The following ZNF385B variants were observed in gnomAD, a reference collection of about 807,000 sequenced individuals.
The protein encoded by ZNF385B is zinc finger protein 533.
ZNF385B carries 23 observed loss-of-function variants against 39.2 expected under a neutral mutation model. The observed-to-expected ratio is 0.59, with a 90% CI of 0.42 to 0.83. ZNF385B has a LOEUF of 0.83. ZNF385B is among the 40% of genes least tolerant of loss of function. The pLI, the probability that ZNF385B is intolerant of heterozygous loss-of-function variation, is 0.00. For missense variants in ZNF385B, 552 were observed against 598.9 expected, an observed-to-expected ratio of 0.92 and a Z score of 0.82; for synonymous variants, 205 against 222.6, an observed-to-expected ratio of 0.92 and a Z score of 0.70.
chr2:179,739,486 A>G (rs1456794732), intron 3 of ZNF385B, among the ~76,000 whole-genome samples: 2 of 152,224 alleles, frequency 1.3e-5, no homozygotes, highest in East Asian at 1.9e-4. Context: ...AACTAAGCAT[A>G]GTGGGGTATC....
At chr2:179,770,123 C>T (rs1286849153) in intron 2 of ZNF385B, among the ~76,000 whole-genome samples, 1 of 152,116 alleles carries the variant, frequency 6.6e-6, no homozygotes, top group East Asian at 1.9e-4. Context: ...TGGCAAATTA[C>T]CTTCCTCATG....
intron 3 of ZNF385B, among the ~76,000 whole-genome samples, chr2:179,739,370 A>G (rs1411542348): frequency 6.6e-6 from 1 of 152,180 alleles, no homozygotes; most frequent in Admixed American, 6.5e-5. Context: ...ATTATAGAAC[A>G]GGCTCCTCTA....
chr2:179,570,767 T>C (rs929907887), intron 3 of ZNF385B, among the ~76,000 whole-genome samples: 8 of 152,130 alleles, frequency 5.3e-5, no homozygotes, highest in Admixed American at 4.6e-4. Flanking sequence ...GACCACCCCC[T>C]CTCCAGGAAT....
At chr2:179,574,147 T>C (rs1685543958) in intron 3 of ZNF385B, among the ~76,000 whole-genome samples, 1 of 152,068 alleles carries the variant, frequency 6.6e-6, no homozygotes, top group South Asian at 2.1e-4. Flanking sequence ...GAAGTATGAC[T>C]CAGGCCTGAA....
At chr2:179,731,267 T>C (rs1471134232) in intron 3 of ZNF385B, among the ~76,000 whole-genome samples, 9 of 152,224 alleles carry the variant, frequency 5.9e-5, no homozygotes, top group Admixed American at 5.2e-4. Context: ...TTGATCATCA[T>C]ACCTACTGGA....
intron 3 of ZNF385B, among the ~76,000 whole-genome samples, chr2:179,605,029 T>C (rs1688689089): frequency 6.6e-6 from 1 of 152,234 alleles, no homozygotes; most frequent in South Asian, 2.1e-4. Flanking sequence ...TGAAAGTATA[T>C]CCTATATCTT....
chr2:179,575,581 TCAAAGGC>T (rs1178635043), intron 3 of ZNF385B, among the ~76,000 whole-genome samples: 5 of 152,126 alleles, frequency 3.3e-5, no homozygotes, highest in Non-Finnish European at 1.5e-5. Context: ...GGAGAAGCTT[TCAAAGGC>T]CACTTGTCTG....
At chr2:179,618,481 TA>T (rs1689942798) in intron 3 of ZNF385B, among the ~76,000 whole-genome samples, 1 of 152,226 alleles carries the variant, frequency 6.6e-6, no homozygotes, top group Admixed American at 6.5e-5. Flanking sequence ...CTGCTACAAA[TA>T]ATTCACTTGT....
intron 6 of ZNF385B, among the ~76,000 whole-genome samples, chr2:179,481,453 A>G (rs750803463): frequency 3.3e-5 from 5 of 150,322 alleles, no homozygotes; most frequent in Non-Finnish European, 7.4e-5. Context: ...CTGCTTTTTT[A>G]AAAAATGGAT....
At chr2:179,600,592 C>G (rs981578872) in intron 3 of ZNF385B, among the ~76,000 whole-genome samples, 14 of 152,274 alleles carry the variant, frequency 9.2e-5, no homozygotes, top group Non-Finnish European at 2.9e-5. Context: ...TAATTTATCT[C>G]TCAAATCTCT....
chr2:179,493,771 A>ATGTG (rs879774043), intron 5 of ZNF385B, among the ~76,000 whole-genome samples: 14,296 of 83,630 alleles, frequency 0.17, 2,694 homozygotes, highest in Admixed American at 0.3. Flanking sequence ...ATGTATACAT[A>ATGTG]TATGTATATA....
chr2:179,526,036 ATTT>A (rs3054031), intron 4 of ZNF385B, among the ~76,000 whole-genome samples: 23 of 129,162 alleles, frequency 1.8e-4, no homozygotes, highest in East Asian at 1.3e-3. Context: ...TTAACCACAG[ATTT>A]TTTTTTTTTT....
At chr2:179,527,989 A>C (rs1024294303) in intron 4 of ZNF385B, among the ~76,000 whole-genome samples, 1 of 152,026 alleles carries the variant, frequency 6.6e-6, no homozygotes, top group Non-Finnish European at 1.5e-5. Context: ...TTACCAGGAA[A>C]ATTTTTAAAA....
chr2:179,847,647 C>A (rs574248168), intron 1 of ZNF385B, among the ~76,000 whole-genome samples: 1 of 152,260 alleles, frequency 6.6e-6, no homozygotes, highest in South Asian at 2.1e-4. Flanking sequence ...CAGATAGTGG[C>A]AATGCCATTG....
intron 1 of ZNF385B, among the ~76,000 whole-genome samples, chr2:179,801,513 TG>T (rs1275469256): frequency 6.6e-5 from 10 of 152,132 alleles, no homozygotes; most frequent in African/African-American, 2.4e-4. Flanking sequence ...TGTGCTAAGG[TG>T]CCAGGTCACA....
chr2:179,531,999 T>C (rs1409222352), intron 4 of ZNF385B, among the ~76,000 whole-genome samples: 1 of 152,228 alleles, frequency 6.6e-6, no homozygotes, highest in South Asian at 2.1e-4. Flanking sequence ...AAATATACAA[T>C]AGTTGTAAAG....
chr2:179,757,264 G>A (rs1559166558), intron 3 of ZNF385B, among the ~76,000 whole-genome samples: 3 of 152,234 alleles, frequency 2.0e-5, no homozygotes, highest in Non-Finnish European at 4.4e-5. Flanking sequence ...AGCAGCGGAG[G>A]CTGCAGAACA....
chr2:179,502,673 T>C (rs2056871814), intron 5 of ZNF385B, among the ~76,000 whole-genome samples: 1 of 152,156 alleles, frequency 6.6e-6, no homozygotes, highest in African/African-American at 2.4e-5. Flanking sequence ...CTTTTCTTCA[T>C]AAATTTCCCA....
At chr2:179,466,359 C>T (rs62177199) in intron 6 of ZNF385B, among the ~76,000 whole-genome samples, 1 of 151,890 alleles carries the variant, frequency 6.6e-6, no homozygotes, top group African/African-American at 2.4e-5. Context: ...ATAGCTAAGG[C>T]ATATACCTCT....
Sources: gnomAD v4.1 joint callset for allele counts (sites outside exome capture counted in the v4.1 genomes callset) on GRCh38, gnomAD v4.1.1 for gene constraint, MANE v1.5 for transcripts, NCBI Gene and HGNC (gene_info 2026-07-23, HGNC 2026-07-21) for gene names.